The following ATP8A2 variants were observed in gnomAD, a reference collection of about 807,000 sequenced individuals.
ATP8A2 encodes ATPase phospholipid transporting 8A2.
In ATP8A2, 100 loss-of-function variants were observed where a neutral mutation model predicts 165.6. The observed-to-expected ratio is 0.60, with a 90% CI of 0.51 to 0.71. ATP8A2 has a LOEUF of 0.71. Ranked by LOEUF, ATP8A2 falls within the 30% of genes least tolerant of loss-of-function variation. The pLI is 0.00. For missense variants in ATP8A2, 1,227 were observed against 1,479.5 expected (o/e 0.83, Z 2.80); for synonymous variants, 543 against 548.8 (o/e 0.99, Z 0.15).
intron 23 of ATP8A2, 94 bp from the exon 24 acceptor site, chr13:25,589,541 A>G (rs1292972482): frequency 3.6e-5 from 31 of 868,050 alleles, no homozygotes; most frequent in Non-Finnish European, 5.4e-5. Flanking sequence ...GTGAGCCAAT[A>G]GGCTTAAAGT....
chr13:25,768,078 G>GGC (rs1555263556), intron 25 of ATP8A2, among the ~76,000 whole-genome samples: 1 of 129,364 alleles, frequency 7.7e-6, no homozygotes, highest in Non-Finnish European at 1.6e-5. Flanking sequence ...TGGTGGCGTG[G>GGC]GGGGGGGGTG....
At chr13:25,942,878 G>T (rs1354303242) in intron 33 of ATP8A2, among the ~76,000 whole-genome samples, 1 of 152,186 alleles carries the variant, frequency 6.6e-6, no homozygotes, top group Non-Finnish European at 1.5e-5. Context: ...TCTGCCTGTG[G>T]TACAAAGTAG....
rs937635000 is a variant in ATP8A2 at position 25,953,400 on chromosome 13, T to G, written c.3184-8175T>G. 1.3e-5 allele frequency among the ~76,000 whole-genome samples: 2 copies of G among 151,912 alleles called. No homozygotes were observed. Among genetic ancestry groups the G allele is most frequent in the African/African-American group, 4.8e-5 (2 of 41,346 alleles). ...GGCACAGAGTGACGCACGAAGAAAT[T>G]TGAGCTTCCTTCTCCTCACAGGTGA... On this transcript the variant is annotated intron_variant, in intron 33 of 36. Coordinates refer to ENST00000381655, the MANE Select transcript of ATP8A2 (RefSeq NM_016529.6). This position sits in a 1 kb window ranked among gnomAD's most constrained non-coding sequence, Gnocchi z 6.7.
At chr13:25,989,055 C>A (rs1956329714) in intron 35 of ATP8A2, among the ~76,000 whole-genome samples, 1 of 152,226 alleles carries the variant, frequency 6.6e-6, no homozygotes. Context: ...GCACCTTGAA[C>A]CCTCATTATC....
chr13:25,965,028 G>A (rs924150061), intron 34 of ATP8A2, among the ~76,000 whole-genome samples: 17 of 152,246 alleles, frequency 1.1e-4, no homozygotes, highest in African/African-American at 3.9e-4. Context: ...GCATGATGGC[G>A]AGTGCCTGTA....
At chr13:25,373,960 T>C (rs1306399859) in intron 1 of ATP8A2, among the ~76,000 whole-genome samples, 2 of 152,146 alleles carry the variant, frequency 1.3e-5, no homozygotes, top group African/African-American at 4.8e-5. Flanking sequence ...AGTGTTGCTG[T>C]CTTGAAAGTC....
At chr13:25,582,029 C>T (rs2039791814) in intron 23 of ATP8A2, 72 bp downstream of exon 23, 1 of 1,371,838 alleles carries the variant, frequency 7.3e-7, no homozygotes, top group Non-Finnish European at 1.0e-6. Context: ...TTAAATGTGT[C>T]TAAATGTTTC....
intron 1 of ATP8A2, among the ~76,000 whole-genome samples, chr13:25,435,657 CT>C (rs906488984): frequency 1.2e-4 from 18 of 150,518 alleles, no homozygotes; most frequent in African/African-American, 2.9e-4. Flanking sequence ...TCTTTTCTTT[CT>C]TTTTTTTTGC....
At chr13:25,906,420 A>G (rs994493830) in intron 33 of ATP8A2, among the ~76,000 whole-genome samples, 1 of 152,126 alleles carries the variant, frequency 6.6e-6, no homozygotes, top group Non-Finnish European at 1.5e-5. Context: ...TTCCAGGATT[A>G]GGTAACTCTA....
rs144506634 is a variant in ATP8A2, at chr13:25,604,326, A to AC, written c.2211+14628dup. ...TTTAGCAGCGTGGAGGTCATGGGTGACTTGTCAGGAGCTGTCTGGGGCATT... is the reference window on the plus strand; with the variant it reads ...TTTAGCAGCGTGGAGGTCATGGGTGACCTTGTCAGGAGCTGTCTGGGGCATT... On this transcript the variant is annotated intron_variant, in intron 24 of 36. Coordinates refer to ENST00000381655, the MANE Select transcript of ATP8A2 (RefSeq NM_016529.6). Among the ~76,000 whole-genome samples the AC allele has an allele frequency of 5.3e-3, 805 of 152,242 alleles. 8 individuals are homozygous for AC. The highest frequency in any genetic ancestry group is 0.02 in the South Asian group (98 of 4,814).
chr13:25,955,442 A>T (rs898745487), intron 33 of ATP8A2, among the ~76,000 whole-genome samples: 1 of 152,234 alleles, frequency 6.6e-6, no homozygotes, highest in East Asian at 1.9e-4. Context: ...GATCAAGGGG[A>T]TATCACCACT....
At chr13:25,856,944 A>G (rs552760000) in intron 30 of ATP8A2, among the ~76,000 whole-genome samples, 13 of 152,296 alleles carry the variant, frequency 8.5e-5, no homozygotes, top group African/African-American at 3.1e-4. Flanking sequence ...TTATTATCCT[A>G]TTTATGGTTA....
At chr13:25,727,091 G>A (rs752401848) in intron 25 of ATP8A2, among the ~76,000 whole-genome samples, 7 of 152,096 alleles carry the variant, frequency 4.6e-5, no homozygotes, top group Non-Finnish European at 8.8e-5. Context: ...GTAGAGCTGG[G>A]GTAAGCAAGC....
intron 35 of ATP8A2, among the ~76,000 whole-genome samples, chr13:26,000,217 C>T (rs1956606170): frequency 1.3e-5 from 2 of 152,290 alleles, no homozygotes; most frequent in South Asian, 4.1e-4. Flanking sequence ...CTGTGTTTTG[C>T]AGACTGCCCA....
chr13:25,821,695 G>A (rs1483725880), intron 27 of ATP8A2, among the ~76,000 whole-genome samples: 1 of 152,182 alleles, frequency 6.6e-6, no homozygotes. Context: ...TTTCTCAACA[G>A]TGGCATTATT....
intron 34 of ATP8A2, among the ~76,000 whole-genome samples, chr13:25,966,684 C>T (rs184538578): frequency 8.0e-4 from 122 of 152,186 alleles, no homozygotes; most frequent in Non-Finnish European, 1.0e-4. Context: ...CCTGAGAGCA[C>T]GCACAATGCC....
At chr13:25,781,156 G>A (rs967518847) in intron 27 of ATP8A2, among the ~76,000 whole-genome samples, 1 of 152,014 alleles carries the variant, frequency 6.6e-6, no homozygotes, top group East Asian at 1.9e-4. Flanking sequence ...CCAGCTACTC[G>A]GGAGGCTGAG....
chr13:25,523,247 A>G (rs1423572760), intron 2 of ATP8A2, among the ~76,000 whole-genome samples: 1 of 147,612 alleles, frequency 6.8e-6, no homozygotes, highest in Non-Finnish European at 1.5e-5. Flanking sequence ...GTGATCTTCA[A>G]TTTTTTTTCA....
chr13:25,799,093 TA>T (rs35261746), intron 27 of ATP8A2, among the ~76,000 whole-genome samples: 29,798 of 149,324 alleles, frequency 0.2, 2,941 homozygotes, highest in Middle Eastern at 0.23. Flanking sequence ...AAATAAAGAT[TA>T]AAAAAAAAAC....
Sources: gnomAD v4.1 joint callset for allele counts (sites outside exome capture counted in the v4.1 genomes callset) on GRCh38, gnomAD v4.1.1 for gene constraint, Gnocchi (gnomAD v3.1) non-coding constraint, MANE v1.5 for transcripts, NCBI Gene and HGNC (gene_info 2026-07-23, HGNC 2026-07-21) for gene names.